The following PPARGC1A variants were observed in gnomAD, a reference collection of about 807,000 sequenced individuals.
PPARGC1A encodes the protein PPARG coactivator 1 alpha.
A neutral mutation model predicts 88.7 loss-of-function variants in PPARGC1A; 25 were observed. That is an observed-to-expected ratio of 0.28 (90% CI 0.21 to 0.39). PPARGC1A has a LOEUF of 0.39. Ranked by LOEUF, PPARGC1A falls within the 10% of genes least tolerant of loss-of-function variation. The pLI, the probability that PPARGC1A is intolerant of heterozygous loss-of-function variation, is 1.00. For missense variants in PPARGC1A, 880 were observed against 968.7 expected (o/e 0.91, Z 1.22); for synonymous variants, 363 against 355.6 (o/e 1.02, Z -0.24).
chr4:24,313,946 C>G, the PPARGC1A span, among the ~76,000 whole-genome samples: 1 of 152,146 alleles, frequency 6.6e-6, no homozygotes, highest in Non-Finnish European at 1.5e-5. Context: ...TTGTAAACTT[C>G]TAATTAGCTA....
the PPARGC1A span, among the ~76,000 whole-genome samples, chr4:23,943,099 A>G: frequency 4.4e-3 from 670 of 152,248 alleles, 6 homozygotes; most frequent in African/African-American, 0.015. Context: ...TACTCAGTTC[A>G]TAGCCCAGCA....
the PPARGC1A span, among the ~76,000 whole-genome samples, chr4:24,401,310 G>C: frequency 6.6e-6 from 1 of 151,964 alleles, no homozygotes; most frequent in African/African-American, 2.4e-5. Context: ...GAGCCACTGC[G>C]CCCGGCCATA....
chr4:24,347,708 C>G, the PPARGC1A span, among the ~76,000 whole-genome samples: 1 of 152,118 alleles, frequency 6.6e-6, no homozygotes, highest in Non-Finnish European at 1.5e-5. Context: ...TCTTACCCAT[C>G]CTGCAGTTCT....
chr4:23,828,092 C>T (rs1724319703), intron 5 of PPARGC1A, among the ~76,000 whole-genome samples: 2 of 152,090 alleles, frequency 1.3e-5, no homozygotes, highest in South Asian at 4.1e-4. Context: ...TGTTCATAAC[C>T]TCAATTATCT....
the PPARGC1A span, among the ~76,000 whole-genome samples, chr4:24,275,284 A>G: frequency 1.3e-5 from 2 of 152,230 alleles, no homozygotes; most frequent in Admixed American, 6.5e-5. Flanking sequence ...CAATTTTCTT[A>G]CATCAACTTC....
the PPARGC1A span, among the ~76,000 whole-genome samples, chr4:24,260,490 T>C: frequency 6.6e-6 from 1 of 152,186 alleles, no homozygotes; most frequent in Non-Finnish European, 1.5e-5. Flanking sequence ...TCCAAAGAGA[T>C]TTAGAAGCAA....
At chr4:24,244,269 A>C in the PPARGC1A span, among the ~76,000 whole-genome samples, 1 of 152,202 alleles carries the variant, frequency 6.6e-6, no homozygotes, top group Non-Finnish European at 1.5e-5. Context: ...ACAGGGGTGC[A>C]CAGAACTGCC....
chr4:24,339,190 C>A, the PPARGC1A span, among the ~76,000 whole-genome samples: 28 of 115,876 alleles, frequency 2.4e-4, no homozygotes, highest in Non-Finnish European at 3.6e-4. Flanking sequence ...CAAGGTTCAT[C>A]CATGTGTGTG....
the PPARGC1A span, among the ~76,000 whole-genome samples, chr4:24,242,524 T>C: frequency 2.6e-5 from 4 of 152,230 alleles, no homozygotes; most frequent in African/African-American, 7.2e-5. Context: ...TAAAGTCTGC[T>C]GTGACCTCAG....
chr4:23,945,114 CTA>C, the PPARGC1A span, among the ~76,000 whole-genome samples: 1 of 152,124 alleles, frequency 6.6e-6, no homozygotes, highest in Non-Finnish European at 1.5e-5. Context: ...TATAATCCCT[CTA>C]TCTCTGTCTC....
chr4:24,300,483 G>C, the PPARGC1A span, among the ~76,000 whole-genome samples: 12,884 of 151,326 alleles, frequency 0.085, 1,223 homozygotes, highest in African/African-American at 0.22. Context: ...AAGTATGTTA[G>C]ACACTCAGGT....
At chr4:23,968,328 C>CA in the PPARGC1A span, among the ~76,000 whole-genome samples, 2 of 152,166 alleles carry the variant, frequency 1.3e-5, no homozygotes, top group Non-Finnish European at 2.9e-5. Context: ...TTGTCACTAT[C>CA]ATCATATTCT....
chr4:23,813,244 C>A (rs1032300675), intron 8 of PPARGC1A, 119 bp from the exon 9 acceptor site: 2 of 828,536 alleles, frequency 2.4e-6, no homozygotes, highest in Non-Finnish European at 2.0e-6. Context: ...TTCTTCCCAG[C>A]TACTAGGGAG....
At chr4:24,440,056 A>T in the PPARGC1A span, among the ~76,000 whole-genome samples, 1 of 152,242 alleles carries the variant, frequency 6.6e-6, no homozygotes, top group Admixed American at 6.5e-5. Context: ...GCACAAAAAG[A>T]GGTCTCCTTC....
At chr4:24,262,007 G>A in the PPARGC1A span, among the ~76,000 whole-genome samples, 2 of 152,064 alleles carry the variant, frequency 1.3e-5, no homozygotes, top group Non-Finnish European at 2.9e-5. Context: ...CCATACTTAG[G>A]AATCCCTCAC....
chr4:23,964,540 T>C, the PPARGC1A span, among the ~76,000 whole-genome samples: 138 of 152,338 alleles, frequency 9.1e-4, no homozygotes, highest in African/African-American at 3.2e-3. Flanking sequence ...CTGATGTGTC[T>C]GCAGAATATT....
the PPARGC1A span, among the ~76,000 whole-genome samples, chr4:24,242,635 C>T: frequency 0.39 from 59,171 of 151,938 alleles, 11,890 homozygotes; most frequent in East Asian, 0.68. Flanking sequence ...ACCATGACCA[C>T]GTATGTCATC....
At chr4:24,092,971 G>T in the PPARGC1A span, among the ~76,000 whole-genome samples, 1 of 152,154 alleles carries the variant, frequency 6.6e-6, no homozygotes, top group Non-Finnish European at 1.5e-5. Context: ...CACATGCCTT[G>T]TTTGAAAAAT....
chr4:24,188,803 C>A, the PPARGC1A span, among the ~76,000 whole-genome samples: 1 of 152,116 alleles, frequency 6.6e-6, no homozygotes, highest in East Asian at 1.9e-4. Flanking sequence ...GGGTATATAT[C>A]CAAAAGACTT....
Sources: gnomAD v4.1 joint callset for allele counts (sites outside exome capture counted in the v4.1 genomes callset) on GRCh38, gnomAD v4.1.1 for gene constraint, MANE v1.5 for transcripts, NCBI Gene and HGNC (gene_info 2026-07-23, HGNC 2026-07-21) for gene names.